KLHL13: variants seen among roughly 807,000 people sequenced by gnomAD.
The protein encoded by KLHL13 is kelch-like protein 13.
A neutral mutation model predicts 37.1 loss-of-function variants in KLHL13; 10 were observed. The ratio of observed to expected loss-of-function variants is 0.27; its 90% CI spans 0.17 to 0.46. The LOEUF is 0.46. Among genes scored for constraint, KLHL13 ranks in the 20% least tolerant of loss-of-function variants. KLHL13 has a pLI of 1.00. For synonymous variants in KLHL13, 163 were observed against 181.2 expected (o/e 0.90, Z 0.81); for missense variants, 360 against 509.3 (o/e 0.71, Z 2.82).
At chrX:118,040,000 T>C (rs768893937) in intron 1 of KLHL13, among the ~76,000 whole-genome samples, 1 of 111,481 alleles carries the variant, frequency 9.0e-6, no homozygotes, top group African/African-American at 3.3e-5. Context: ...ACCAAGGCAG[T>C]ATCTCCAAGA....
intron 1 of KLHL13, among the ~76,000 whole-genome samples, chrX:118,062,972 AG>A (rs1006655571): frequency 8.9e-6 from 1 of 111,851 alleles, no homozygotes; most frequent in African/African-American, 3.2e-5. Context: ...AATAAGTAAA[AG>A]AAAAAAATAG....
At chrX:118,092,695 C>G (rs6646077) in intron 1 of KLHL13, among the ~76,000 whole-genome samples, 1,963 of 111,511 alleles carry the variant, frequency 0.018, 45 homozygotes, top group African/African-American at 0.058. Flanking sequence ...ATTTATGTCT[C>G]TTATGGTGAA....
intron 1 of KLHL13, among the ~76,000 whole-genome samples, chrX:118,051,101 C>T (rs2054607779): frequency 9.1e-6 from 1 of 109,819 alleles, no homozygotes; most frequent in African/African-American, 3.3e-5. Context: ...ATGTCAGGTC[C>T]ATGAAAACAA....
intron 1 of KLHL13, among the ~76,000 whole-genome samples, chrX:118,032,381 C>A (rs964987117): frequency 8.9e-6 from 1 of 111,898 alleles, no homozygotes; most frequent in African/African-American, 3.3e-5. Flanking sequence ...TCCCAGCACG[C>A]AGCTGGAGAT....
Position 117,898,980 on chromosome X carries a change from G to A in KLHL13, c.1896C>T (p.Cys632=), listed in dbSNP as rs938415128. 3.3e-6 allele frequency: 4 copies of A among 1,209,088 alleles called. No individual in the cohort carries two copies. The African/African-American group carries it at 7.0e-5, about 21-fold the overall frequency. Residue 632 remains cysteine (C), a synonymous_variant, in exon 7 of 7, where the codon TGC becomes TGT. Transcript: ENST00000262820. ...CTTCTGGTGGAAAAACTGTGAGTGTGCAAGCACGAATGCCACCAAGGGATT... is the reference window on the plus strand; with the variant it reads ...CTTCTGGTGGAAAAACTGTGAGTGTACAAGCACGAATGCCACCAAGGGATT...
At chrX:117,958,798 T>C (rs2053243710) in intron 1 of KLHL13, among the ~76,000 whole-genome samples, 1 of 111,516 alleles carries the variant, frequency 9.0e-6, no homozygotes, top group South Asian at 3.7e-4. Flanking sequence ...CTAACAAATA[T>C]CATGTTGTAT....
At chrX:118,101,681 G>A (rs773978317) in intron 1 of KLHL13, among the ~76,000 whole-genome samples, 1 of 111,458 alleles carries the variant, frequency 9.0e-6, no homozygotes, top group Non-Finnish European at 1.9e-5. Flanking sequence ...TAATCCCCAA[G>A]TGTGGAGGGA....
chrX:118,001,209 G>T (rs1255553104), intron 1 of KLHL13, among the ~76,000 whole-genome samples: 1 of 111,692 alleles, frequency 9.0e-6, no homozygotes, highest in Non-Finnish European at 1.9e-5. Context: ...ACTGCCATTA[G>T]AAAACTTTCT....
In KLHL13 at chrX:118,110,481, C is replaced by T. The variant is rs7060743; in HGVS notation, c.-56+6027G>A. On this transcript the variant is annotated intron_variant, in intron 1 of 6. Transcript: ENST00000371882. Reference sequence around the variant, plus strand: ...GAAACCTCCAACTCCCTGTCTCAAGCGATTCTCCTGCCTCAGCCTCCCAAG... The same window carrying T: ...GAAACCTCCAACTCCCTGTCTCAAGTGATTCTCCTGCCTCAGCCTCCCAAG... 8.8e-3 allele frequency among the ~76,000 whole-genome samples: 938 copies of T among 106,276 alleles called. 14 individuals carry two copies. The highest frequency in any genetic ancestry group is 0.031 in the African/African-American group (888 of 28,811). 92.3% of individuals were successfully genotyped at this position (106,276 alleles called of 115,157 possible). A position where few individuals can be genotyped will look rare whatever the true frequency, so the allele number is the denominator to read the frequency against.
At chrX:118,070,552 A>C (rs1206772556) in intron 1 of KLHL13, among the ~76,000 whole-genome samples, 1 of 110,982 alleles carries the variant, frequency 9.0e-6, no homozygotes, top group Non-Finnish European at 1.9e-5. Context: ...ACTTGTGATA[A>C]GACATTTTCT....
chrX:117,903,396 TGC>T (rs925441307), intron 5 of KLHL13, among the ~76,000 whole-genome samples: 1 of 111,840 alleles, frequency 8.9e-6, no homozygotes, highest in African/African-American at 3.2e-5. Context: ...TTTTACCTAC[TGC>T]TTTGTTGGCT....
exon 7 of KLHL13, chrX:117,899,065 T>C (rs1929919790): frequency 1.7e-6 from 2 of 1,209,637 alleles, no homozygotes; most frequent in Non-Finnish European, 2.2e-6. Context: ...CTGCACTATC[T>C]CTACCATACA....
chrX:118,091,115 A>C (rs1403902951), intron 1 of KLHL13, among the ~76,000 whole-genome samples: 1 of 71,556 alleles, frequency 1.4e-5, no homozygotes, highest in Non-Finnish European at 2.4e-5. Flanking sequence ...ACATCACACT[A>C]TGGGGCCTGT....
chrX:117,902,488 C>T (rs1930161324), intron 5 of KLHL13, among the ~76,000 whole-genome samples: 1 of 111,784 alleles, frequency 8.9e-6, no homozygotes, highest in African/African-American at 3.2e-5. Flanking sequence ...TACATTTATA[C>T]TTTAAAGCTA....
chrX:118,002,677 C>T (rs1370400844), intron 1 of KLHL13, among the ~76,000 whole-genome samples: 1 of 110,115 alleles, frequency 9.1e-6, no homozygotes, highest in Non-Finnish European at 1.9e-5. Context: ...ATGCAATTCT[C>T]TCAGAGGCAG....
rs1419084392 is a variant in KLHL13 at position 117,924,469 on chromosome X, A to T, written c.241-4099T>A. Among the ~76,000 whole-genome samples the T allele has an allele frequency of 2.7e-5, 3 of 112,374 alleles. No individual in the cohort carries two copies. In the East Asian group the frequency reaches 8.4e-4, roughly 31 times the overall value. ...CAAAGATTCCTGCACACTCGAAATA[A>T]GTCCTTTTACTGTAAAATCATTTTC... On this transcript the variant is annotated intron_variant, in intron 2 of 6. Transcript: ENST00000262820.
intron 1 of KLHL13, among the ~76,000 whole-genome samples, chrX:118,088,458 C>A (rs2055079732): frequency 1.8e-5 from 2 of 111,763 alleles, no homozygotes; most frequent in Admixed American, 9.6e-5. Flanking sequence ...ACTTTTATTA[C>A]CCTTAACGCA....
chrX:117,927,074 T>C (rs1037942709), intron 2 of KLHL13, among the ~76,000 whole-genome samples: 17 of 107,565 alleles, frequency 1.6e-4, no homozygotes, highest in Non-Finnish European at 3.1e-4. Flanking sequence ...CCCGGCTAAT[T>C]TGTAGTTTTA....
At chrX:118,099,494 T>C (rs1369183228) in intron 1 of KLHL13, among the ~76,000 whole-genome samples, 1 of 111,449 alleles carries the variant, frequency 9.0e-6, no homozygotes, top group Non-Finnish European at 1.9e-5. Context: ...ATGAGTTAAG[T>C]CCAAGTGTAC....
Sources: allele counts gnomAD v4.1 joint callset (sites outside exome capture counted in the v4.1 genomes callset), GRCh38; gene constraint gnomAD v4.1.1; transcripts MANE v1.5; gene names NCBI Gene and HGNC (gene_info 2026-07-23, HGNC 2026-07-21).